Variants in MGAM observed in about 807,000 individuals in gnomAD.
MGAM encodes the protein alpha-1,4-glucosidase.
Under a neutral mutation model 358.8 loss-of-function variants are expected in MGAM, and 253 were observed. The ratio of observed to expected loss-of-function variants is 0.71; its 90% confidence interval spans 0.64 to 0.78. The LOEUF is 0.78. Ranked by LOEUF, MGAM falls within the 30% of genes least tolerant of loss-of-function variation. The probability of loss-of-function intolerance (pLI) is 0.00; values close to 1 mark genes in which losing one functional copy is unlikely to be tolerated. For synonymous variants in MGAM, 1,105 were observed against 1,227.1 expected, an observed-to-expected ratio of 0.90 and a Z score of 2.08; for missense variants, 3,080 against 3,432.6, an observed-to-expected ratio of 0.90 and a Z score of 2.57.
chr7:142,094,406 C>T lies in MGAM; in HGVS notation c.7215C>T (p.Thr2405=), dbSNP rs1226547383. 1 of 1,534,116 alleles carries T rather than the reference C, an allele frequency of 6.5e-7. No individual in the cohort carries two copies. The highest frequency in any genetic ancestry group is 1.3e-5 in the African/African-American group (1 of 74,188). ...CAGGACAGCGAGGGGTCGTCATCAC[C>T]CGCTCCACATTTCCCTCTTCTGGCC... ...EVTGQRGVVI[T]RSTFPSSGRW... Residue 2405 remains threonine (T), a synonymous_variant, in exon 61 of 71, where the codon ACC becomes ACT. Coordinates refer to ENST00000475668, the MANE Select transcript of MGAM (RefSeq NM_001365693.1).
At chr7:142,099,804 CA>C in intron 67 of MGAM, 67 bp downstream of exon 67, 1 of 1,578,610 alleles carries the variant, frequency 6.3e-7, no homozygotes, top group Non-Finnish European at 8.6e-7. Context: ...TGAAGTCCAC[CA>C]AAATGTAAGC....
chr7:142,078,320 C>G lies in MGAM; in HGVS notation c.5496C>G (p.Val1832=), dbSNP rs369487443. The G allele has an allele frequency of 6.9e-5, 101 of 1,467,322 alleles. 16 individuals are homozygous for G. In the South Asian group the frequency reaches 9.8e-4, roughly 14 times the overall value. 90.9% of individuals were successfully genotyped at this position (1,467,322 alleles called of 1,614,324 possible). A position where few individuals can be genotyped will look rare whatever the true frequency, so the allele number is the denominator to read the frequency against. Residue 1832 remains valine (V), a splice_region_variant and synonymous_variant, in exon 48 of 71, where the codon GTC becomes GTG. Transcript: ENST00000475668. ...TTGTGATTTCTGCATTCCTACAGGTCGCCATTATCACAGACATCAATCTTT... is the reference window on the plus strand; with the variant it reads ...TTGTGATTTCTGCATTCCTACAGGTGGCCATTATCACAGACATCAATCTTT... ...PTVTYDSNLK[V]AIITDINLFL... is the part of the protein sequence containing the mutation.
At chr7:142,080,565 C>T (rs1814165791) in intron 49 of MGAM, among the ~76,000 whole-genome samples, 1 of 146,064 alleles carries the variant, frequency 6.8e-6, no homozygotes, top group Non-Finnish European at 1.5e-5. Context: ...ACCAATGTCA[C>T]AATGCTTATA....
At chr7:142,008,833 G>A in intron 3 of MGAM, 128 bp downstream of exon 3, 1 of 963,764 alleles carries the variant, frequency 1.0e-6, no homozygotes, top group Non-Finnish European at 1.5e-6. Flanking sequence ...GCAGCCATTA[G>A]TGGCTCAGGC....
chr7:142,043,152 A>C (rs1246587509), intron 21 of MGAM, among the ~76,000 whole-genome samples: 1 of 14,636 alleles, frequency 6.8e-5, no homozygotes, highest in African/African-American at 4.0e-4. Flanking sequence ...ATAATATCTA[A>C]ATATAATATC....
At chr7:142,096,294 G>T (rs754314567) in intron 64 of MGAM, 37 bp from the exon 65 acceptor site, 2 of 1,550,878 alleles carry the variant, frequency 1.3e-6, no homozygotes, top group Non-Finnish European at 1.8e-6. Context: ...CTGGGGCTCT[G>T]TTGGGCTCTG....
intron 16 of MGAM, 66 bp from the exon 17 acceptor site, chr7:142,036,103 G>T: frequency 8.3e-7 from 1 of 1,201,564 alleles, no homozygotes; most frequent in Non-Finnish European, 1.2e-6. Context: ...GGAGGTCCCT[G>T]GTGGAAAGCA....
rs757813227 is a variant in MGAM at position 142,083,438 on chromosome 7, C to G, written c.6381+25C>G. The G allele has an allele frequency of 4.0e-5, 59 of 1,475,960 alleles. 5 individuals carry two copies. Among genetic ancestry groups the G allele is most frequent in the Middle Eastern group, 1.7e-4 (1 of 5,826 alleles). The allele number at this position is 1,475,960 out of a possible 1,614,324, so 91.4% of individuals were successfully genotyped here. On this transcript the variant is annotated intron_variant, in intron 53 of 70. Coordinates refer to ENST00000475668, the MANE Select transcript of MGAM (RefSeq NM_001365693.1). ...GGTAGGGAGAAATCCAATTGTTTAT[C>G]AAGTACTTATATAGCACATTCTGGG...
At position 142,085,926 on chromosome 7, in the gene MGAM, A is replaced by G. The variant is rs764919857; in HGVS notation, c.6601A>G (p.Met2201Val). The part of the protein sequence containing the change: ...FAGFPALINR[M>V]KADGMRVILI... ...CGGGTTTCCAGCTCTGATCAATCGCATGAAGGCTGATGGGATGCGGGTCAT... is the reference window on the plus strand; with the variant it reads ...CGGGTTTCCAGCTCTGATCAATCGCGTGAAGGCTGATGGGATGCGGGTCAT... The change falls in exon 55 of 71, where the codon ATG (methionine) becomes GTG (valine). Residue 2201 changes from methionine (M) to valine (V), a missense_variant. Physicochemically the swap from Met to Val is conservative, Grantham distance 21. Around this residue, in one of 5 missense-constraint regions of MGAM, gnomAD observed 932 missense variants for 1,198.2 expected, o/e 0.78. Coordinates refer to ENST00000475668, the MANE Select transcript of MGAM (RefSeq NM_001365693.1). The G allele has an allele frequency of 1.7e-5, 26 of 1,565,998 alleles. 3 individuals are homozygous for G. Among genetic ancestry groups the G allele is most frequent in the Non-Finnish European group, 2.2e-5 (25 of 1,141,220 alleles).
At chr7:142,047,177 C>T (rs980080261) in intron 21 of MGAM, among the ~76,000 whole-genome samples, 2 of 152,036 alleles carry the variant, frequency 1.3e-5, no homozygotes, top group African/African-American at 4.8e-5. Context: ...CTCTTCTCCC[C>T]CTCTTCCTCT....
intron 3 of MGAM, among the ~76,000 whole-genome samples, chr7:142,014,815 T>C (rs1805844384): frequency 6.6e-6 from 1 of 152,128 alleles, no homozygotes. Flanking sequence ...ATAAAACTGG[T>C]ACACAATTGT....
At chr7:142,101,206 C>T (rs1365867096) in intron 68 of MGAM, among the ~76,000 whole-genome samples, 1 of 152,054 alleles carries the variant, frequency 6.6e-6, no homozygotes, top group Non-Finnish European at 1.5e-5. Context: ...GGACACATTC[C>T]CGAATTACAT....
chr7:142,034,533 G>T, intron 15 of MGAM, 137 bp from the exon 16 acceptor site: 2 of 991,112 alleles, frequency 2.0e-6, no homozygotes, highest in Non-Finnish European at 3.0e-6. Flanking sequence ...CTCCCAACAG[G>T]GACTCTAATT....
chr7:142,041,440 T>C (rs933998138), intron 21 of MGAM, among the ~76,000 whole-genome samples: 4 of 152,098 alleles, frequency 2.6e-5, no homozygotes, highest in Non-Finnish European at 5.9e-5. Context: ...AAAATATCCC[T>C]GAATCCAATG....
rs1303332707 is a variant in MGAM, at chr7:142,044,146, A to G, written c.2498+3300A>G. ...ACGACGTATAATATGTACATTATAT[A>G]CACATACGACGTATAATATATACAT... On this transcript the variant is annotated intron_variant, in intron 21 of 70. Transcript: ENST00000475668. 1.4e-5 allele frequency among the ~76,000 whole-genome samples: 2 copies of G among 144,908 alleles called. 1 individual carries two copies. Among genetic ancestry groups the G allele is most frequent in the Non-Finnish European group, 3.0e-5 (2 of 66,176 alleles).
In MGAM at chr7:142,076,425, A is replaced by G. The variant is rs752798700; in HGVS notation, c.5325+173A>G. ...TGTTTTCAAAAGGAGGCATTAATATAGCAAGTAGTGTTTCTAAATATAGTT... is the reference window on the plus strand; with the variant it reads ...TGTTTTCAAAAGGAGGCATTAATATGGCAAGTAGTGTTTCTAAATATAGTT... On this transcript the variant is annotated intron_variant, in intron 46 of 70. Coordinates refer to ENST00000475668, the MANE Select transcript of MGAM (RefSeq NM_001365693.1). The G allele has an allele frequency of 1.0e-5, 9 of 880,494 alleles. 2 individuals carry two copies. Among genetic ancestry groups the G allele is most frequent in the Non-Finnish European group, 1.5e-5 (8 of 532,256 alleles). 54.5% of individuals were successfully genotyped at this position (880,494 alleles called of 1,614,324 possible). A position where few individuals can be genotyped will look rare whatever the true frequency, so the allele number is the denominator to read the frequency against.
At chr7:142,081,846 A>G (rs1814323233) in intron 50 of MGAM, among the ~76,000 whole-genome samples, 196 bp from the exon 51 acceptor site, 1 of 145,636 alleles carries the variant, frequency 6.9e-6, no homozygotes, top group Non-Finnish European at 1.6e-5. Flanking sequence ...GAGAGTGGGA[A>G]ACAGATGAAT....
chr7:142,053,382 A>G (rs139833281), intron 26 of MGAM, among the ~76,000 whole-genome samples: 1 of 152,070 alleles, frequency 6.6e-6, no homozygotes, highest in African/African-American at 2.4e-5. Context: ...TGGAGATGGA[A>G]CATCAAGAAT....
Position 142,105,898 on chromosome 7 carries a change from A to G in MGAM, c.*7A>G, listed in dbSNP as rs373072386. The G allele has an allele frequency of 7.5e-6, 12 of 1,592,996 alleles. No homozygotes were observed. Among genetic ancestry groups the G allele is most frequent in the Non-Finnish European group, 1.0e-5 (12 of 1,161,146 alleles). ...GTGGATAAGCACTCTGTGAATTTTT[A>G]CAGCAAGATTCTAACTAACTATGAA... On this transcript the variant is annotated 3_prime_UTR_variant, in exon 71 of 71. Transcript: ENST00000475668.
Sources: gnomAD v4.1 joint callset for allele counts (sites outside exome capture counted in the v4.1 genomes callset) on GRCh38, gnomAD v4.1.1 for gene constraint, gnomAD v4.1.1 regional missense constraint, MANE v1.5 for transcripts, NCBI Gene and HGNC (gene_info 2026-07-23, HGNC 2026-07-21) for gene names.